ZNF879: variants seen among roughly 807,000 people sequenced by gnomAD.
The protein encoded by ZNF879 is zinc finger protein 879.
In ZNF879, 32 loss-of-function variants were observed where a neutral mutation model predicts 44.3. The ratio of observed to expected loss-of-function variants is 0.72; its 90% CI spans 0.54 to 0.97. ZNF879 has a LOEUF of 0.97. ZNF879 is among the 50% of genes least tolerant of loss of function. The pLI is 0.00. For synonymous variants in ZNF879, 234 were observed against 233.2 expected, an observed-to-expected ratio of 1.00 and a Z score of -0.03; for missense variants, 621 against 669.7, an observed-to-expected ratio of 0.93 and a Z score of 0.80.
Position 179,024,967 on chromosome 5 carries a change from C to T in ZNF879, c.-35-3C>T. ...GACCTCACAGCTTTTTTCTCCATTC[C>T]AGGTGCCTTCTCCAAGAGAGGCAGC... is the stretch of plus-strand genomic sequence containing the variant. On this transcript the variant is annotated splice_polypyrimidine_tract_variant and splice_region_variant and intron_variant, in intron 1 of 4. Transcript: ENST00000444149. 1 of 1,551,232 alleles carries T rather than the reference C, an allele frequency of 6.4e-7. No individual in the cohort carries two copies. The highest frequency in any genetic ancestry group is 8.7e-7 in the Non-Finnish European group (1 of 1,146,688).
intron 2 of ZNF879, among the ~76,000 whole-genome samples, chr5:179,026,768 C>T (rs992302356): frequency 4.6e-5 from 7 of 152,236 alleles, no homozygotes; most frequent in South Asian, 2.1e-4. Flanking sequence ...GGATTATAGG[C>T]GTAAGCCACT....
At chr5:179,027,309 G>A in intron 2 of ZNF879, 164 bp from the exon 3 acceptor site, 2 of 949,088 alleles carry the variant, frequency 2.1e-6, no homozygotes, top group Non-Finnish European at 3.1e-6. Context: ...TGAGGGGACG[G>A]TGTTTCACTC....
intron 4 of ZNF879, among the ~76,000 whole-genome samples, 165 bp from the exon 5 acceptor site, chr5:179,032,040 C>T (rs1397433106): frequency 6.6e-6 from 1 of 152,066 alleles, no homozygotes; most frequent in Non-Finnish European, 1.5e-5. Flanking sequence ...TTCTTCAGAC[C>T]CTTCCCACCC....
In ZNF879 at chr5:179,033,659, A is replaced by G. The variant is rs1246414108; in HGVS notation, c.*19A>G. The G allele has an allele frequency of 6.9e-6, 10 of 1,447,338 alleles. No individual in the cohort carries two copies. In the Admixed American group the frequency reaches 2.5e-4, roughly 36 times the overall value. 89.7% of individuals were successfully genotyped at this position (1,447,338 alleles called of 1,614,324 possible). On this transcript the variant is annotated 3_prime_UTR_variant, in exon 5 of 5. Transcript: ENST00000444149. The stretch of plus-strand genomic sequence containing the variant: ...TAATTGAGAAAAACTGTATAAATGC[A>G]TGTAGGAACTGAAGTTATATTCCAT...
chr5:179,033,342 T>C lies in ZNF879; in HGVS notation c.1394T>C (p.Phe465Ser), dbSNP rs1761491050. The change falls in exon 5 of 5, where the codon TTC (phenylalanine) becomes TCC (serine). Residue 465 changes from phenylalanine to serine, a missense_variant. Phe to Ser is a radical substitution (Grantham distance 155). Transcript: ENST00000444149. ...AATTGTAAGGAATGTGGAAAAGCCTTCAGTTCCCACTCAGGCGTTAATACT... is the reference window on the plus strand; with the variant it reads ...AATTGTAAGGAATGTGGAAAAGCCTCCAGTTCCCACTCAGGCGTTAATACT... ...PYNCKECGKA[F>S]SSHSGVNTHR... is the part of the protein sequence containing the mutation. 6.4e-7 allele frequency: 1 copy of C among 1,568,300 alleles called. No homozygotes were observed. The highest frequency in any genetic ancestry group is 8.6e-7 in the Non-Finnish European group (1 of 1,156,468).
intron 2 of ZNF879, among the ~76,000 whole-genome samples, chr5:179,026,776 A>G (rs983067192): frequency 2.6e-5 from 4 of 152,376 alleles, no homozygotes; most frequent in Admixed American, 1.3e-4. Context: ...GGCGTAAGCC[A>G]CTGTGCCCAG....
chr5:179,024,946 T>C, intron 1 of ZNF879, 24 bp from the exon 2 acceptor site: 1 of 1,541,758 alleles, frequency 6.5e-7, no homozygotes, highest in Non-Finnish European at 8.8e-7. Flanking sequence ...TGAAAAGACC[T>C]CACAGCTTTT....
chr5:179,028,477 T>G (rs983533217), intron 4 of ZNF879, among the ~76,000 whole-genome samples: 1 of 152,226 alleles, frequency 6.6e-6, no homozygotes, highest in African/African-American at 2.4e-5. Context: ...TGTTTTTTTT[T>G]AATCACTACA....
intron 4 of ZNF879, among the ~76,000 whole-genome samples, chr5:179,031,284 G>C (rs754485664): frequency 6.6e-6 from 1 of 152,096 alleles, no homozygotes; most frequent in Non-Finnish European, 1.5e-5. Context: ...CCTAGAAAAC[G>C]CTCCACAATA....
rs1483181647 is a variant in ZNF879 at position 179,033,446 on chromosome 5, A to G, written c.1498A>G (p.Ile500Val). ...EKAFNQSSAL[I>V]QHQRIHTGEK... Reference sequence around the variant, plus strand: ...AGCCTTCAACCAAAGCTCAGCTCTAATTCAGCACCAGAGAATTCATACTGG... The same window carrying G: ...AGCCTTCAACCAAAGCTCAGCTCTAGTTCAGCACCAGAGAATTCATACTGG... Residue 500 changes from isoleucine to valine, a missense_variant, in exon 5 of 5, where the codon ATT becomes GTT. Coordinates refer to ENST00000444149, the MANE Select transcript of ZNF879 (RefSeq NM_001136116.3). 2.6e-6 allele frequency: 4 copies of G among 1,565,126 alleles called. No individual in the cohort carries two copies. Among genetic ancestry groups the G allele is most frequent in the Admixed American group, 1.9e-5 (1 of 52,506 alleles).
chr5:179,032,285 T>C lies in ZNF879; in HGVS notation c.337T>C (p.Phe113Leu), dbSNP rs1372498136. 1.9e-6 allele frequency: 3 copies of C among 1,545,964 alleles called. No individual in the cohort carries two copies. Among genetic ancestry groups the C allele is most frequent in the Admixed American group, 4.0e-5 (2 of 49,656 alleles). The change falls in exon 5 of 5, where the codon TTT becomes CTT. Residue 113 changes from phenylalanine to leucine, a missense_variant. By Grantham distance (22) the Phe-to-Leu change is conservative (BLOSUM62 0). Coordinates refer to ENST00000444149, the MANE Select transcript of ZNF879 (RefSeq NM_001136116.3). ...VMKKLIIDGT[F>L]DFKLEKTYIN... ...GAAAAAACTCATAATTGATGGCACA[T>C]TTGACTTCAAGTTGGAGAAGACCTA...
At position 179,033,111 on chromosome 5, in the gene ZNF879, T is replaced by C. The variant is rs773282146; in HGVS notation, c.1163T>C (p.Ile388Thr). Residue 388 changes from isoleucine (I) to threonine (T), a missense_variant, in exon 5 of 5, where the codon ATC becomes ACC. By Grantham distance (89) the Ile-to-Thr change is moderately conservative. Coordinates refer to ENST00000444149, the MANE Select transcript of ZNF879 (RefSeq NM_001136116.3). ...GTATTCAGCTATCACTCAGCCCTTA[T>C]CATACATCAGAGAATTCACACTGGT... ...GKVFSYHSAL[I>T]IHQRIHTGEK... The C allele has an allele frequency of 4.4e-6, 7 of 1,577,834 alleles. No homozygotes were observed. Among genetic ancestry groups the C allele is most frequent in the East Asian group, 2.3e-5 (1 of 42,558 alleles).
At chr5:179,024,471 A>ATTC (rs1483701146) in intron 1 of ZNF879, 2 of 152,310 alleles carry the variant, frequency 1.3e-5, no homozygotes, top group South Asian at 2.1e-4. Flanking sequence ...GGGGCCAGGG[A>ATTC]GAATGGGTAA....
Position 179,034,505 on chromosome 5 carries a change from A to G in ZNF879, c.*865A>G, listed in dbSNP as rs1338914865. On this transcript the variant is annotated 3_prime_UTR_variant, in exon 5 of 5. Coordinates refer to ENST00000444149, the MANE Select transcript of ZNF879 (RefSeq NM_001136116.3). ...GTGAGCTTTCTGGTTACCAGCCACC[A>G]GAAGGCCCAGGAACAATGTAGAACT... 6.6e-6 allele frequency: 1 copy of G among 152,248 alleles called. No individual in the cohort carries two copies. Among genetic ancestry groups the G allele is most frequent in the African/African-American group, 2.4e-5 (1 of 41,466 alleles). 9.4% of individuals were successfully genotyped at this position (152,248 alleles called of 1,614,324 possible).
intron 2 of ZNF879, 35 bp downstream of exon 2, chr5:179,025,072 C>T (rs1181254353): frequency 3.2e-6 from 5 of 1,551,028 alleles, no homozygotes; most frequent in Non-Finnish European, 4.4e-6. Flanking sequence ...GAACTGCCTT[C>T]AGGGTCTAGA....
rs375049256 is a variant in ZNF879, at chr5:179,028,138, G to C, written c.256+11G>C. The C allele has an allele frequency of 2.6e-6, 4 of 1,550,462 alleles. No homozygotes were observed. In the South Asian group the frequency reaches 3.6e-5, roughly 14 times the overall value. ...AAGGCGCACATCTCGGTGAGTGACA[G>C]AGTAATTGGGAGATGGGCATAACAT... On this transcript the variant is annotated intron_variant, in intron 4 of 4. Coordinates refer to ENST00000444149, the MANE Select transcript of ZNF879 (RefSeq NM_001136116.3).
At chr5:179,029,331 C>T (rs1156879680) in intron 4 of ZNF879, among the ~76,000 whole-genome samples, 1 of 151,916 alleles carries the variant, frequency 6.6e-6, no homozygotes, top group Admixed American at 6.6e-5. Flanking sequence ...TGTTCTTTGG[C>T]ACTTTACTGG....
chr5:179,030,371 G>A (rs953014391), intron 4 of ZNF879, among the ~76,000 whole-genome samples: 2 of 152,202 alleles, frequency 1.3e-5, no homozygotes, highest in Admixed American at 1.3e-4. Flanking sequence ...GTAAAAGAAT[G>A]TTTGTTATAA....
chr5:179,025,082 A>C, intron 2 of ZNF879, 45 bp downstream of exon 2: 1 of 1,548,174 alleles, frequency 6.5e-7, no homozygotes, highest in Non-Finnish European at 8.7e-7. Flanking sequence ...CAGGGTCTAG[A>C]CGTGGTAAAC....
Sources: allele counts gnomAD v4.1 joint callset (sites outside exome capture counted in the v4.1 genomes callset), GRCh38; gene constraint gnomAD v4.1.1; transcripts MANE v1.5; gene names NCBI Gene and HGNC (gene_info 2026-07-23, HGNC 2026-07-21).